GPC6: variants seen among roughly 807,000 people sequenced by gnomAD.
GPC6 encodes the protein glypican 6.
In GPC6, 14 loss-of-function variants were observed where a neutral mutation model predicts 55.2. That is an observed-to-expected ratio of 0.25 (90% CI 0.17 to 0.40). The LOEUF is 0.40. Ranked by LOEUF, GPC6 falls within the 10% of genes least tolerant of loss-of-function variation. GPC6 has a pLI of 1.00. For synonymous variants in GPC6, 278 were observed against 259.6 expected, an observed-to-expected ratio of 1.07 and a Z score of -0.68; for missense variants, 641 against 708.5, an observed-to-expected ratio of 0.90 and a Z score of 1.08.
intron 2 of GPC6, among the ~76,000 whole-genome samples, chr13:93,600,673 G>C (rs894967339): frequency 6.6e-6 from 1 of 152,060 alleles, no homozygotes; most frequent in Non-Finnish European, 1.5e-5. Context: ...TGATTTAAAA[G>C]TATGATTTCG....
At chr13:93,318,515 A>G (rs1382557546) in intron 1 of GPC6, among the ~76,000 whole-genome samples, 2 of 152,132 alleles carry the variant, frequency 1.3e-5, no homozygotes, top group Non-Finnish European at 2.9e-5. Context: ...CCTCCTGAAT[A>G]TCTCACTAAG....
chr13:93,470,381 A>G (rs1879065896), intron 1 of GPC6, among the ~76,000 whole-genome samples: 1 of 152,164 alleles, frequency 6.6e-6, no homozygotes, highest in Non-Finnish European at 1.5e-5. Flanking sequence ...GTAAAATCAT[A>G]AGGGATTTCT....
chr13:93,298,780 G>A (rs776456747), intron 1 of GPC6, among the ~76,000 whole-genome samples: 10 of 151,750 alleles, frequency 6.6e-5, no homozygotes, highest in African/African-American at 1.5e-4. Flanking sequence ...CATCCCCTGC[G>A]TACTGCCTGA....
chr13:93,582,618 CTCTTTA>C (rs1344944762), intron 2 of GPC6, among the ~76,000 whole-genome samples: 2 of 152,130 alleles, frequency 1.3e-5, no homozygotes, highest in Admixed American at 6.6e-5. Context: ...TGATAAGGTA[CTCTTTA>C]TCTTTATTTT....
intron 6 of GPC6, among the ~76,000 whole-genome samples, chr13:94,321,672 T>C (rs938069530): frequency 1.3e-5 from 2 of 152,220 alleles, no homozygotes; most frequent in Non-Finnish European, 2.9e-5. Context: ...TAGGAAGCCC[T>C]ATTTCATTGG....
intron 1 of GPC6, among the ~76,000 whole-genome samples, chr13:93,228,172 C>A (rs1397999631): frequency 2.0e-5 from 3 of 152,134 alleles, no homozygotes; most frequent in African/African-American, 7.2e-5. Context: ...CGGGGGCGGG[C>A]AAGGCTGGGA....
chr13:94,178,907 A>G (rs1888887799), intron 4 of GPC6, among the ~76,000 whole-genome samples: 1 of 152,236 alleles, frequency 6.6e-6, no homozygotes, highest in Non-Finnish European at 1.5e-5. Context: ...ACAGGCACCC[A>G]GTACATCAGC....
chr13:93,899,766 A>G (rs529004243), intron 3 of GPC6, among the ~76,000 whole-genome samples: 16 of 152,234 alleles, frequency 1.1e-4, no homozygotes, highest in Non-Finnish European at 2.1e-4. Context: ...TCTGCCATCA[A>G]TTTTACTTGT....
chr13:93,890,060 A>C (rs1474006727), intron 3 of GPC6, among the ~76,000 whole-genome samples: 3 of 152,146 alleles, frequency 2.0e-5, no homozygotes, highest in Non-Finnish European at 4.4e-5. Context: ...CAGTAAAACC[A>C]GTTATCACTT....
intron 3 of GPC6, among the ~76,000 whole-genome samples, chr13:93,832,686 C>A (rs1460438199): frequency 6.6e-6 from 1 of 152,078 alleles, no homozygotes; most frequent in Non-Finnish European, 1.5e-5. Context: ...ATGGTGTCTC[C>A]CCTTGGTCAC....
At chr13:93,647,744 C>T (rs1408557740) in intron 2 of GPC6, among the ~76,000 whole-genome samples, 1 of 152,146 alleles carries the variant, frequency 6.6e-6, no homozygotes, top group Non-Finnish European at 1.5e-5. Context: ...GCAGCTTATT[C>T]ACCATTTCAG....
chr13:94,156,353 G>T (rs181419150), intron 4 of GPC6, among the ~76,000 whole-genome samples: 1 of 152,188 alleles, frequency 6.6e-6, no homozygotes, highest in East Asian at 1.9e-4. Context: ...AAGGGGTAAT[G>T]AATATGGATA....
chr13:94,327,535 C>T (rs987792794), intron 6 of GPC6, among the ~76,000 whole-genome samples: 3 of 152,122 alleles, frequency 2.0e-5, no homozygotes, highest in African/African-American at 7.2e-5. Context: ...GAGCAAAAAA[C>T]GACAGCAAAA....
intron 4 of GPC6, among the ~76,000 whole-genome samples, chr13:94,277,421 G>A (rs1892249711): frequency 6.6e-6 from 1 of 152,028 alleles, no homozygotes. Flanking sequence ...CTGTGCAGAA[G>A]CTCTTTACTT....
intron 2 of GPC6, among the ~76,000 whole-genome samples, chr13:93,587,772 A>T (rs761982422): frequency 7.2e-5 from 11 of 152,196 alleles, no homozygotes; most frequent in Non-Finnish European, 1.3e-4. Flanking sequence ...CAGAGTGGAC[A>T]CAAACTCAGA....
At position 94,166,112 on chromosome 13, in the gene GPC6, A is replaced by G. The variant is rs559018930; in HGVS notation, c.878-120237A>G. On this transcript the variant is annotated intron_variant, in intron 4 of 8. Coordinates refer to ENST00000377047, the MANE Select transcript of GPC6 (RefSeq NM_005708.5). ...ATGTGAATGTGAGACCTCCCTGTCGATAATGGGATCCCTACCTGACTCCTA... is the reference window on the plus strand; with the variant it reads ...ATGTGAATGTGAGACCTCCCTGTCGGTAATGGGATCCCTACCTGACTCCTA... Among the ~76,000 whole-genome samples the G allele has an allele frequency of 9.2e-5, 14 of 152,308 alleles. No individual in the cohort carries two copies. The East Asian group carries it at 2.3e-3, about 25-fold the overall frequency.
intron 6 of GPC6, among the ~76,000 whole-genome samples, chr13:94,353,221 C>A (rs995011147): frequency 6.6e-5 from 10 of 152,286 alleles, no homozygotes; most frequent in Non-Finnish European, 1.5e-4. Context: ...GCAATGGGAA[C>A]ACACTGTGCA....
In GPC6 at chr13:94,053,751, C is replaced by A. The variant is rs1212861079; in HGVS notation, c.877+25857C>A. ...TACTTAGGGAAACAATTAGATATTT[C>A]TTTTCCACGATGATTAGAAGGAAAG... is the stretch of plus-strand genomic sequence containing the variant. On this transcript the variant is annotated intron_variant, in intron 4 of 8. Coordinates refer to ENST00000377047, the MANE Select transcript of GPC6 (RefSeq NM_005708.5). 3.9e-5 allele frequency among the ~76,000 whole-genome samples: 6 copies of A among 152,078 alleles called. No individual in the cohort carries two copies. In the East Asian group the frequency reaches 5.8e-4, roughly 15 times the overall value.
chr13:93,742,161 G>A (rs748382744), intron 2 of GPC6, among the ~76,000 whole-genome samples: 4 of 152,016 alleles, frequency 2.6e-5, no homozygotes, highest in African/African-American at 7.3e-5. Context: ...ATTTTTATTC[G>A]TGGAGATCTG....
Sources: gnomAD v4.1 joint callset for allele counts (sites outside exome capture counted in the v4.1 genomes callset) on GRCh38, gnomAD v4.1.1 for gene constraint, MANE v1.5 for transcripts, NCBI Gene and HGNC (gene_info 2026-07-23, HGNC 2026-07-21) for gene names.